ESRRG: variants seen among roughly 807,000 people sequenced by gnomAD.
The protein encoded by ESRRG is estrogen-related receptor gamma.
In ESRRG, 13 loss-of-function variants were observed where a neutral mutation model predicts 44.0. The observed-to-expected ratio is 0.30, with a 90% CI of 0.19 to 0.47. The LOEUF (loss-of-function observed/expected upper bound fraction) is 0.47, where lower values mean the gene tolerates loss of function less well. ESRRG is among the 20% of genes least tolerant of loss of function. The pLI, the probability that ESRRG is intolerant of heterozygous loss-of-function variation, is 1.00. For missense variants in ESRRG, 395 were observed against 580.6 expected (o/e 0.68, Z 3.29); for synonymous variants, 215 against 214.6 (o/e 1.00, Z -0.02).
chr1:216,818,179 TG>T (rs2095198951), intron 2 of ESRRG, among the ~76,000 whole-genome samples: 1 of 152,202 alleles, frequency 6.6e-6, no homozygotes, highest in Admixed American at 6.5e-5. Flanking sequence ...AACAGCTTTT[TG>T]GGAAGAAGAA....
intron 2 of ESRRG, among the ~76,000 whole-genome samples, chr1:216,829,889 C>T (rs879549983): frequency 2.6e-5 from 4 of 152,122 alleles, no homozygotes; most frequent in Non-Finnish European, 5.9e-5. Flanking sequence ...TACCTCACTG[C>T]CTTCTCACCT....
chr1:216,610,160 A>G (rs2060438607), intron 3 of ESRRG, among the ~76,000 whole-genome samples: 1 of 152,206 alleles, frequency 6.6e-6, no homozygotes, highest in African/African-American at 2.4e-5. Context: ...GTCATCTTTA[A>G]AAAACATTAG....
At chr1:216,905,872 T>C (rs1169003548) in intron 2 of ESRRG, among the ~76,000 whole-genome samples, 1 of 152,172 alleles carries the variant, frequency 6.6e-6, no homozygotes, top group East Asian at 1.9e-4. Context: ...TGCCTCAGCC[T>C]CCTGAGTACC....
At chr1:216,519,827 A>AAAAAAAGAAGAAGG (rs1558227202) in intron 5 of ESRRG, among the ~76,000 whole-genome samples, 1 of 150,660 alleles carries the variant, frequency 6.6e-6, no homozygotes, top group Non-Finnish European at 1.5e-5. Flanking sequence ...AAAAAAAAAA[A>AAAAAAAGAAGAAGG]AGAAGAAGAA....
At chr1:216,573,509 T>C (rs1335806712) in intron 3 of ESRRG, among the ~76,000 whole-genome samples, 1 of 152,024 alleles carries the variant, frequency 6.6e-6, no homozygotes, top group African/African-American at 2.4e-5. Flanking sequence ...GTCAAGATCA[T>C]TTATTGAACA....
chr1:216,527,090 G>A (rs1200444187), intron 5 of ESRRG, among the ~76,000 whole-genome samples: 1 of 152,144 alleles, frequency 6.6e-6, no homozygotes, highest in Non-Finnish European at 1.5e-5. Flanking sequence ...CATAATCCTT[G>A]TCATCTAAGA....
chr1:217,054,874 A>G (rs965356682), intron 1 of ESRRG, among the ~76,000 whole-genome samples: 1 of 152,146 alleles, frequency 6.6e-6, no homozygotes, highest in Non-Finnish European at 1.5e-5. Context: ...GCCCTGTGAG[A>G]TCTGAAATTA....
intron 1 of ESRRG, among the ~76,000 whole-genome samples, chr1:217,066,920 T>C (rs1307919618): frequency 6.6e-6 from 1 of 152,194 alleles, no homozygotes; most frequent in African/African-American, 2.4e-5. Context: ...CTCTAAAATG[T>C]GCCTCGAATG....
intron 3 of ESRRG, among the ~76,000 whole-genome samples, chr1:216,596,550 G>C (rs745737310): frequency 6.6e-6 from 1 of 152,152 alleles, no homozygotes; most frequent in African/African-American, 2.4e-5. Flanking sequence ...AGAGTGGGAG[G>C]AGAACAGACC....
intron 1 of ESRRG, among the ~76,000 whole-genome samples, chr1:217,059,483 G>A (rs2087884318): frequency 6.6e-6 from 1 of 152,038 alleles, no homozygotes; most frequent in African/African-American, 2.4e-5. Flanking sequence ...CTGATTTCAG[G>A]TCTAGGAGAG....
chr1:216,561,037 C>CT (rs887695382), intron 5 of ESRRG, among the ~76,000 whole-genome samples: 7 of 152,054 alleles, frequency 4.6e-5, no homozygotes, highest in African/African-American at 1.2e-4. Context: ...CCCTTGTGAT[C>CT]TTTTTTTCTT....
At chr1:217,102,026 G>A (rs1417236751) in intron 1 of ESRRG, among the ~76,000 whole-genome samples, 7 of 152,066 alleles carry the variant, frequency 4.6e-5, no homozygotes, top group Admixed American at 1.3e-4. Flanking sequence ...GACTGGTCTC[G>A]AATTCCCGAC....
At chr1:216,709,242 AATACAT>A (rs2083083175) in intron 1 of ESRRG, among the ~76,000 whole-genome samples, 1 of 152,070 alleles carries the variant, frequency 6.6e-6, no homozygotes, top group Non-Finnish European at 1.5e-5. Flanking sequence ...GTGTAATGAC[AATACAT>A]ATACATGCAA....
intron 1 of ESRRG, among the ~76,000 whole-genome samples, chr1:216,704,327 A>T (rs1168632270): frequency 6.6e-6 from 1 of 152,210 alleles, no homozygotes; most frequent in Non-Finnish European, 1.5e-5. Context: ...CAGCCTGGCC[A>T]ACATGGTGAA....
chr1:216,622,873 T>C (rs550861573), intron 3 of ESRRG, among the ~76,000 whole-genome samples: 59 of 152,014 alleles, frequency 3.9e-4, no homozygotes, highest in Non-Finnish European at 7.6e-4. Context: ...TATTTTTAGA[T>C]GGGATTAGCA....
chr1:216,749,866 T>C (rs942674481), intron 2 of ESRRG, among the ~76,000 whole-genome samples: 2 of 152,152 alleles, frequency 1.3e-5, no homozygotes, highest in Non-Finnish European at 2.9e-5. Flanking sequence ...TATAATGAAG[T>C]TAACAGAAGA....
intron 3 of ESRRG, among the ~76,000 whole-genome samples, chr1:216,574,551 C>T (rs2061366267): frequency 1.3e-5 from 2 of 152,068 alleles, no homozygotes; most frequent in African/African-American, 4.8e-5. Flanking sequence ...AAAAAATCTT[C>T]CCTTCAGAGA....
intron 2 of ESRRG, among the ~76,000 whole-genome samples, chr1:216,761,462 A>C (rs1447500459): frequency 6.6e-6 from 1 of 152,136 alleles, no homozygotes; most frequent in Admixed American, 6.6e-5. Flanking sequence ...TGGTGAGTGC[A>C]TAAATGATCC....
At chr1:217,005,069 A>G (rs2077547391) in intron 1 of ESRRG, among the ~76,000 whole-genome samples, 1 of 152,174 alleles carries the variant, frequency 6.6e-6, no homozygotes, top group South Asian at 2.1e-4. Flanking sequence ...CAGTGTTGTC[A>G]AAAAGGGAGA....
Sources: allele counts gnomAD v4.1 joint callset (sites outside exome capture counted in the v4.1 genomes callset), GRCh38; gene constraint gnomAD v4.1.1; transcripts MANE v1.5; gene names NCBI Gene and HGNC (gene_info 2026-07-23, HGNC 2026-07-21).